Variants in PCLO observed in about 807,000 individuals in gnomAD.
The protein encoded by PCLO is piccolo presynaptic cytomatrix protein, also known as protein piccolo.
PCLO carries 82 observed loss-of-function variants against 427.5 expected under a neutral mutation model. The observed-to-expected ratio is 0.19, with a 90% CI of 0.16 to 0.23. The LOEUF is 0.23. PCLO is among the 10% of genes least tolerant of loss of function. The pLI is 1.00. For synonymous variants in PCLO, 2,357 were observed against 2,155.4 expected (o/e 1.09, Z -2.59); for missense variants, 6,239 against 6,115.9 (o/e 1.02, Z -0.67).
chr7:83,114,499 G>A lies in PCLO; in HGVS notation c.3300+19751C>T, dbSNP rs1183477665. On this transcript the variant is annotated intron_variant, in intron 3 of 24. Coordinates refer to ENST00000333891, the MANE Select transcript of PCLO (RefSeq NM_033026.6). ...ATTAGAAATGATTAAAGATTCAATA[G>A]AACATGATAAATAGGGAGACTGCAC... Among the ~76,000 whole-genome samples the A allele has an allele frequency of 5.3e-5, 8 of 152,114 alleles. No homozygotes were observed. In the South Asian group the frequency reaches 1.7e-3, roughly 32 times the overall value.
At position 82,914,778 on chromosome 7, in the gene PCLO, T is replaced by G. The variant is rs376895185; in HGVS notation, c.13208A>C (p.Gln4403Pro). Reference sequence around the variant, plus strand: ...AGTCCGTGATTCTTCCCTCATGTGTTGCTGAACTTCAGGCAATGAGTGGCT... The same window carrying G: ...AGTCCGTGATTCTTCCCTCATGTGTGGCTGAACTTCAGGCAATGAGTGGCT... ...GSSHSLPEVQ[Q>P]HMREESRTRG... Residue 4403 changes from glutamine to proline, a missense_variant, in exon 7 of 25, where the codon CAA (glutamine) becomes CCA (proline). Gln to Pro is a moderately conservative substitution (Grantham distance 76, BLOSUM62 -1). Coordinates refer to ENST00000333891, the MANE Select transcript of PCLO (RefSeq NM_033026.6). 1.2e-5 allele frequency: 19 copies of G among 1,613,362 alleles called. No homozygotes were observed. The highest frequency in any genetic ancestry group is 1.7e-6 in the Non-Finnish European group (2 of 1,179,694).
chr7:83,127,946 T>C (rs1791479366), intron 3 of PCLO, among the ~76,000 whole-genome samples: 1 of 152,124 alleles, frequency 6.6e-6, no homozygotes, highest in Non-Finnish European at 1.5e-5. Flanking sequence ...TTGAGATCTA[T>C]CTTCTCTGTA....
At position 82,790,101 on chromosome 7, in the gene PCLO, T is replaced by C. The variant is rs181511336; in HGVS notation, c.15007+11417A>G. Among the ~76,000 whole-genome samples, 328 of 152,250 alleles carry C rather than the reference T, an allele frequency of 2.2e-3. 4 individuals are homozygous for C. Among genetic ancestry groups the C allele is most frequent in the South Asian group, 6.2e-4 (3 of 4,822 alleles). On this transcript the variant is annotated intron_variant, in intron 22 of 24. Transcript: ENST00000333891. ...TCACTCTCAGAGCTGTCTGTCCTGC[T>C]TTTCGCACCTCTGCCCCTGCTTGCA...
rs116440046 is a variant in PCLO, at chr7:83,040,765, A to G, written c.3301-74278T>C. On this transcript the variant is annotated intron_variant, in intron 3 of 24. Coordinates refer to ENST00000333891, the MANE Select transcript of PCLO (RefSeq NM_033026.6). ...TGTCAGTTTCTTTGGAGAGGAATTT[A>G]GAGCTCTCCTTTCTAAGATCTGTTT... Among the ~76,000 whole-genome samples, 364 of 152,244 alleles carry G rather than the reference A, an allele frequency of 2.4e-3. 2 individuals are homozygous for G. Among genetic ancestry groups the G allele is most frequent in the African/African-American group, 8.4e-3 (349 of 41,544 alleles).
intron 3 of PCLO, among the ~76,000 whole-genome samples, chr7:83,089,560 C>T (rs1790326407): frequency 6.6e-6 from 1 of 152,108 alleles, no homozygotes; most frequent in African/African-American, 2.4e-5. Context: ...GGTAATGCTC[C>T]CTACTTATTT....
intron 22 of PCLO, among the ~76,000 whole-genome samples, chr7:82,792,429 C>A (rs770229295): frequency 6.6e-6 from 1 of 151,692 alleles, no homozygotes; most frequent in East Asian, 1.9e-4. Flanking sequence ...TGAGCCCAAG[C>A]GATACTCCCT....
At chr7:82,970,034 A>ATTT (rs1795865813) in intron 3 of PCLO, among the ~76,000 whole-genome samples, 2 of 152,112 alleles carry the variant, frequency 1.3e-5, no homozygotes, top group Non-Finnish European at 2.9e-5. Context: ...ATACAACATC[A>ATTT]GGCTAAGGCC....
chr7:82,788,266 T>C (rs186615101), intron 22 of PCLO, among the ~76,000 whole-genome samples: 233 of 147,862 alleles, frequency 1.6e-3, no homozygotes, highest in African/African-American at 5.6e-3. Flanking sequence ...TTTATATTAG[T>C]ATATAAATTT....
intron 10 of PCLO, among the ~76,000 whole-genome samples, chr7:82,873,865 G>A (rs1793302172): frequency 6.6e-6 from 1 of 152,012 alleles, no homozygotes; most frequent in Non-Finnish European, 1.5e-5. Context: ...CCATCCCAGA[G>A]ATCTGAATTT....
intron 16 of PCLO, among the ~76,000 whole-genome samples, chr7:82,833,338 T>C (rs1363008159): frequency 6.6e-6 from 1 of 152,200 alleles, no homozygotes; most frequent in Non-Finnish European, 1.5e-5. Flanking sequence ...AACAGTGTGA[T>C]GAGAGAAAAC....
chr7:83,018,025 C>T (rs879017536), intron 3 of PCLO: 5 of 151,536 alleles, frequency 3.3e-5, no homozygotes, highest in Admixed American at 1.3e-4. Flanking sequence ...AACAAACAAA[C>T]AAAAAAGAAT....
chr7:83,020,965 C>T (rs1788328313), intron 3 of PCLO, among the ~76,000 whole-genome samples: 1 of 152,140 alleles, frequency 6.6e-6, no homozygotes, highest in African/African-American at 2.4e-5. Flanking sequence ...TAGATAACAA[C>T]TTGAGCATTG....
rs372400831 is a variant in PCLO, at chr7:82,950,978, C to T, written c.9610G>A (p.Val3204Ile). The T allele has an allele frequency of 5.3e-5, 85 of 1,613,540 alleles. No homozygotes were observed. Among genetic ancestry groups the T allele is most frequent in the Admixed American group, 4.3e-4 (26 of 59,986 alleles). ...TGCTGTTGTTTATCTTCTTCAGGGA[C>T]AATTAAAAGAGCACTTTCATCTCCC... Reference protein sequence around the residue: ...VVGDESALLIVPEEDKQQQQL... With the variant: ...VVGDESALLIIPEEDKQQQQL... The change falls in exon 6 of 25, where the codon GTC becomes ATC. Residue 3204 changes from valine (V) to isoleucine (I), a missense_variant. Transcript: ENST00000333891.
intron 3 of PCLO, among the ~76,000 whole-genome samples, chr7:83,130,126 T>C (rs1230835111): frequency 1.5e-5 from 2 of 135,946 alleles, no homozygotes; most frequent in Non-Finnish European, 3.3e-5. Flanking sequence ...ATGTCCATTA[T>C]GTTTTTGTTG....
At chr7:83,004,767 C>T (rs946158762) in intron 3 of PCLO, among the ~76,000 whole-genome samples, 2 of 151,362 alleles carry the variant, frequency 1.3e-5, no homozygotes, top group Non-Finnish European at 3.0e-5. Flanking sequence ...ATTTGAAAAA[C>T]ATATATCTGA....
intron 3 of PCLO, among the ~76,000 whole-genome samples, chr7:83,036,266 T>C (rs1487039105): frequency 3.3e-5 from 5 of 152,032 alleles, no homozygotes; most frequent in African/African-American, 7.2e-5. Context: ...TTGAGCTCCA[T>C]TCCCCAGAGT....
At position 82,950,866 on chromosome 7, in the gene PCLO, T is replaced by G. The variant is rs966915426; in HGVS notation, c.9722A>C (p.Glu3241Ala). The G allele has an allele frequency of 6.2e-7, 1 of 1,613,614 alleles. No homozygotes were observed. The highest frequency in any genetic ancestry group is 8.5e-7 in the Non-Finnish European group (1 of 1,179,874). Residue 3241 changes from glutamate to alanine, a missense_variant, in exon 6 of 25, where the codon GAA becomes GCA. Transcript: ENST00000333891. ...TTCTTGTTCTCGGAACCTTTGAATTTCCTGACGTTCCCACTCCAATTCCTC... is the reference window on the plus strand; with the variant it reads ...TTCTTGTTCTCGGAACCTTTGAATTGCCTGACGTTCCCACTCCAATTCCTC... ...FAEELEWERQ[E>A]IQRFREQEKI...
chr7:83,113,324 G>A (rs899818932), intron 3 of PCLO, among the ~76,000 whole-genome samples: 40 of 152,144 alleles, frequency 2.6e-4, no homozygotes, highest in African/African-American at 9.7e-4. Flanking sequence ...CCTCTGCAGG[G>A]ATCACCACGC....
intron 6 of PCLO, among the ~76,000 whole-genome samples, chr7:82,940,855 C>T (rs561088593): frequency 6.1e-5 from 9 of 146,732 alleles, no homozygotes; most frequent in African/African-American, 1.8e-4. Context: ...CTCCGCCTCC[C>T]GGGTTCATGC....
Sources: allele counts gnomAD v4.1 joint callset (sites outside exome capture counted in the v4.1 genomes callset), GRCh38; gene constraint gnomAD v4.1.1; transcripts MANE v1.5; gene names NCBI Gene and HGNC (gene_info 2026-07-23, HGNC 2026-07-21).